The following CCDC141 variants were observed in gnomAD, a reference collection of about 807,000 sequenced individuals.
CCDC141 encodes coiled-coil domain containing 141.
CCDC141 carries 168 observed loss-of-function variants against 181.0 expected under a neutral mutation model. That is an observed-to-expected ratio of 0.93 (90% CI 0.82 to 1.05). The LOEUF is 1.05. CCDC141 is among the 50% of genes least tolerant of loss of function. The pLI, the probability that CCDC141 is intolerant of heterozygous loss-of-function variation, is 0.00. For missense variants in CCDC141, 1,902 were observed against 1,788.5 expected (o/e 1.06, Z -1.14); for synonymous variants, 666 against 642.3 (o/e 1.04, Z -0.56).
At chr2:179,035,050 A>G (rs1189466886) in intron 2 of CCDC141, among the ~76,000 whole-genome samples, 1 of 152,294 alleles carries the variant, frequency 6.6e-6, no homozygotes, top group East Asian at 1.9e-4. Context: ...TTCCTGGAAG[A>G]ACTAAATACC....
chr2:179,026,696 G>A (rs754445222), intron 2 of CCDC141, among the ~76,000 whole-genome samples: 4 of 152,198 alleles, frequency 2.6e-5, no homozygotes, highest in Admixed American at 6.5e-5. Flanking sequence ...CTTGCACTGC[G>A]CACCTGGAAA....
In CCDC141 at chr2:178,833,478, A is replaced by C. The variant is rs1388257973; in HGVS notation, c.*695T>G. The C allele has an allele frequency of 6.6e-6, 1 of 152,280 alleles. No homozygotes were observed. Among genetic ancestry groups the C allele is most frequent in the Non-Finnish European group, 1.5e-5 (1 of 68,070 alleles). The allele number at this position is 152,280 out of a possible 1,614,324, so 9.4% of individuals were successfully genotyped here. The stretch of plus-strand genomic sequence containing the variant: ...AACACATCAATAGAATGTCAGGAAT[A>C]ACGTTGGTTCTTTCTTGCAACCTGT... On this transcript the variant is annotated 3_prime_UTR_variant, in exon 24 of 24. Coordinates refer to ENST00000443758, the MANE Select transcript of CCDC141 (RefSeq NM_173648.4).
At chr2:178,925,443 C>A (rs914501152) in intron 6 of CCDC141, among the ~76,000 whole-genome samples, 1 of 152,146 alleles carries the variant, frequency 6.6e-6, no homozygotes, top group Non-Finnish European at 1.5e-5. Flanking sequence ...TGGCAAAATA[C>A]AATTTGAAAA....
chr2:178,947,908 G>A (rs573158852), intron 5 of CCDC141, among the ~76,000 whole-genome samples: 1 of 152,266 alleles, frequency 6.6e-6, no homozygotes, highest in South Asian at 2.1e-4. Flanking sequence ...CATTAAGAAT[G>A]TTAGTATGAA....
chr2:178,856,934 T>G (rs1419628414), intron 17 of CCDC141, among the ~76,000 whole-genome samples: 1 of 152,202 alleles, frequency 6.6e-6, no homozygotes, highest in East Asian at 1.9e-4. Flanking sequence ...ACATACCAAG[T>G]GAATTTAAAT....
chr2:178,968,781 AAATC>A (rs1326350439), intron 4 of CCDC141, among the ~76,000 whole-genome samples: 1 of 152,176 alleles, frequency 6.6e-6, no homozygotes, highest in Non-Finnish European at 1.5e-5. Flanking sequence ...AGCCTTCAAT[AAATC>A]AATGAATCCA....
intron 4 of CCDC141, among the ~76,000 whole-genome samples, chr2:178,963,661 C>CTT (rs761812931): frequency 3.5e-5 from 5 of 142,182 alleles, no homozygotes; most frequent in Admixed American, 7.0e-5. Flanking sequence ...TCAATTGACA[C>CTT]TTTTTTTTTT....
chr2:179,006,608 T>A (rs1423139503), intron 2 of CCDC141, among the ~76,000 whole-genome samples: 1 of 152,172 alleles, frequency 6.6e-6, no homozygotes, highest in Admixed American at 6.5e-5. Flanking sequence ...TCTAGAAACT[T>A]TGCATGTGAA....
chr2:178,960,380 A>G (rs1690342745), intron 5 of CCDC141, among the ~76,000 whole-genome samples: 1 of 152,204 alleles, frequency 6.6e-6, no homozygotes, highest in Non-Finnish European at 1.5e-5. Flanking sequence ...GCTTCCAGCT[A>G]TATGAATGTC....
At chr2:178,841,362 C>T (rs1300599973) in intron 22 of CCDC141, among the ~76,000 whole-genome samples, 1 of 152,112 alleles carries the variant, frequency 6.6e-6, no homozygotes, top group Non-Finnish European at 1.5e-5. Context: ...ATAAATTATG[C>T]CTATGGCACT....
At chr2:178,972,600 G>A (rs938785727) in intron 4 of CCDC141, among the ~76,000 whole-genome samples, 1 of 152,156 alleles carries the variant, frequency 6.6e-6, no homozygotes, top group Non-Finnish European at 1.5e-5. Context: ...GAGGTTATGG[G>A]TTCAGAAAAC....
rs1239837080 is a variant in CCDC141, at chr2:178,855,532, T to C, written c.2875A>G (p.Arg959Gly). The change falls in exon 19 of 24, where the codon AGG becomes GGG. Residue 959 changes from arginine to glycine, a missense_variant. Physicochemically the swap from Arg to Gly is moderately radical, Grantham distance 125 (BLOSUM62 -2). Coordinates refer to ENST00000443758, the MANE Select transcript of CCDC141 (RefSeq NM_173648.4). ...MYAEKMQALK[R>G]KMEKVSNKTS... ...TTATTACTAACTTTTTCCATTTTCC[T>C]TTTCAAAGCCTGTGTGAAAAACAAA... The C allele has an allele frequency of 3.2e-6, 5 of 1,583,500 alleles. No individual in the cohort carries two copies. The highest frequency in any genetic ancestry group is 1.9e-5 in the Admixed American group (1 of 53,258).
intron 17 of CCDC141, among the ~76,000 whole-genome samples, chr2:178,862,292 A>T (rs1476827510): frequency 2.0e-5 from 3 of 152,206 alleles, no homozygotes; most frequent in African/African-American, 4.8e-5. Flanking sequence ...CTATGTGGAA[A>T]ACTTGAGAAC....
intron 8 of CCDC141, among the ~76,000 whole-genome samples, chr2:178,896,605 G>A (rs1274755866): frequency 6.6e-6 from 1 of 152,128 alleles, no homozygotes; most frequent in African/African-American, 2.4e-5. Flanking sequence ...TTTAAAAAAG[G>A]ATCTATGTTC....
chr2:178,820,981 ATT>A, the CCDC141 span, among the ~76,000 whole-genome samples: 1 of 152,172 alleles, frequency 6.6e-6, no homozygotes, highest in Admixed American at 6.6e-5. Flanking sequence ...ACCACTATGC[ATT>A]TTTATAATAC....
chr2:178,878,750 A>T (rs1686465357), intron 11 of CCDC141, among the ~76,000 whole-genome samples: 1 of 152,204 alleles, frequency 6.6e-6, no homozygotes, highest in Non-Finnish European at 1.5e-5. Context: ...AAAACTAATT[A>T]TTGAAGCCAA....
intron 4 of CCDC141, among the ~76,000 whole-genome samples, chr2:178,971,879 A>G (rs1690905230): frequency 6.6e-6 from 1 of 152,100 alleles, no homozygotes; most frequent in African/African-American, 2.4e-5. Flanking sequence ...GAACAATGAG[A>G]ACACATGGAC....
intron 2 of CCDC141, among the ~76,000 whole-genome samples, chr2:178,998,105 A>C (rs1315810722): frequency 9.1e-6 from 1 of 110,000 alleles, no homozygotes; most frequent in African/African-American, 2.6e-5. Context: ...CAATATAATT[A>C]AGAATATTTG....
At chr2:178,893,308 C>T (rs1687245805) in intron 8 of CCDC141, among the ~76,000 whole-genome samples, 1 of 151,920 alleles carries the variant, frequency 6.6e-6, no homozygotes, top group East Asian at 1.9e-4. Flanking sequence ...AGCAGTTGCC[C>T]TATCTTTGCA....
Sources: gnomAD v4.1 joint callset for allele counts (sites outside exome capture counted in the v4.1 genomes callset) on GRCh38, gnomAD v4.1.1 for gene constraint, MANE v1.5 for transcripts, NCBI Gene and HGNC (gene_info 2026-07-23, HGNC 2026-07-21) for gene names.